ZNF280D: variants seen among roughly 807,000 people sequenced by gnomAD.
The protein encoded by ZNF280D is zinc finger protein 280D.
A neutral mutation model predicts 94.7 loss-of-function variants in ZNF280D; 39 were observed. That is an observed-to-expected ratio of 0.41 (90% CI 0.32 to 0.54). ZNF280D has a LOEUF of 0.54. Ranked by LOEUF, ZNF280D falls within the 20% of genes least tolerant of loss-of-function variation. The pLI is 0.22. For missense variants in ZNF280D, 1,090 were observed against 1,149.3 expected (o/e 0.95, Z 0.75); for synonymous variants, 398 against 377.6 (o/e 1.05, Z -0.63).
chr15:56,678,636 G>C (rs2055407490), intron 11 of ZNF280D, 28 bp downstream of exon 11: 1 of 1,501,740 alleles, frequency 6.7e-7, no homozygotes, highest in South Asian at 1.4e-5. Flanking sequence ...TCAATAATAT[G>C]GAATATTTAA....
intron 9 of ZNF280D, among the ~76,000 whole-genome samples, chr15:56,688,421 G>T (rs1192535445): frequency 6.6e-6 from 1 of 150,816 alleles, no homozygotes; most frequent in Non-Finnish European, 1.5e-5. Flanking sequence ...AACCTGGGAG[G>T]TGGAGCTTGC....
chr15:56,689,549 C>G (rs2056293032), intron 7 of ZNF280D, 79 bp from the exon 8 acceptor site: 2 of 919,032 alleles, frequency 2.2e-6, no homozygotes, highest in Admixed American at 7.1e-5. Flanking sequence ...TATTTTGGAG[C>G]TAAATTAAAG....
chr15:56,718,240 T>C (rs991999116), intron 1 of ZNF280D, among the ~76,000 whole-genome samples: 1 of 152,012 alleles, frequency 6.6e-6, no homozygotes, highest in Non-Finnish European at 1.5e-5. Flanking sequence ...TACAATATAA[T>C]GAATGAAGCA....
intron 3 of ZNF280D, among the ~76,000 whole-genome samples, chr15:56,705,798 A>G (rs528967422): frequency 6.6e-6 from 1 of 152,130 alleles, no homozygotes; most frequent in Non-Finnish European, 1.5e-5. Context: ...TATATGTCTA[A>G]CGTCATATAG....
At chr15:56,633,602 T>C (rs563085371) in intron 21 of ZNF280D, among the ~76,000 whole-genome samples, 1 of 152,166 alleles carries the variant, frequency 6.6e-6, no homozygotes, top group East Asian at 1.9e-4. Flanking sequence ...GTGATTCTCC[T>C]GCCTCAGCCT....
intron 20 of ZNF280D, among the ~76,000 whole-genome samples, chr15:56,636,872 G>A (rs1033264025): frequency 6.6e-6 from 1 of 151,942 alleles, no homozygotes; most frequent in African/African-American, 2.4e-5. Context: ...CACCCACCTC[G>A]GCCTCCCAAA....
chr15:56,704,783 C>G lies in ZNF280D; in HGVS notation c.29-516G>C, dbSNP rs150302566. ...ATTGCTTGAGGTCAGGAGTTTGAGA[C>G]CAGCCTGGCCAACATGGTGAAACCC... On this transcript the variant is annotated intron_variant, in intron 3 of 21. Coordinates refer to ENST00000267807, the MANE Select transcript of ZNF280D (RefSeq NM_017661.4). 3.2e-3 allele frequency among the ~76,000 whole-genome samples: 480 copies of G among 152,122 alleles called. 6 individuals are homozygous for G. Among genetic ancestry groups the G allele is most frequent in the African/African-American group, 0.011 (454 of 41,492 alleles).
intron 16 of ZNF280D, among the ~76,000 whole-genome samples, chr15:56,665,003 A>G (rs1388331772): frequency 6.6e-6 from 1 of 152,188 alleles, no homozygotes; most frequent in Admixed American, 6.5e-5. Flanking sequence ...AGGAATGAAC[A>G]GTTTATAGGA....
At chr15:56,687,500 A>C (rs2141049368) in intron 9 of ZNF280D, among the ~76,000 whole-genome samples, 1 of 152,290 alleles carries the variant, frequency 6.6e-6, no homozygotes, top group South Asian at 2.1e-4. Context: ...CATTCAAAAC[A>C]AACTAATAAA....
chr15:56,645,673 A>G lies in ZNF280D; in HGVS notation c.2214-2676T>C, dbSNP rs1254596724. On this transcript the variant is annotated intron_variant, in intron 19 of 21. Coordinates refer to ENST00000267807, the MANE Select transcript of ZNF280D (RefSeq NM_017661.4). The stretch of plus-strand genomic sequence containing the variant: ...GCGATTCTCCTGTCTCAGCCTCCCA[A>G]GTAGCTGGGATTACAGGCACATGCC... Among the ~76,000 whole-genome samples, 8 of 152,194 alleles carry G rather than the reference A, an allele frequency of 5.3e-5. No individual in the cohort carries two copies. In the East Asian group the frequency reaches 1.5e-3, roughly 29 times the overall value.
In ZNF280D at chr15:56,689,103, T is replaced by C; in HGVS notation, c.718A>G (p.Arg240Gly). The C allele has an allele frequency of 1.2e-6, 2 of 1,611,272 alleles. No individual in the cohort carries two copies. Among genetic ancestry groups the C allele is most frequent in the African/African-American group, 1.3e-5 (1 of 74,962 alleles). ...TGAATGTTGCACTTTGGACAAGCTC[T>C]TGGAAAAGGTGTTCCATTTTTAGAC... ...NQSKNGTPFP[R>G]ACPKCNIHFN... The change falls in exon 9 of 22, where the codon AGA becomes GGA. Residue 240 changes from arginine to glycine, a missense_variant. Coordinates refer to ENST00000267807, the MANE Select transcript of ZNF280D (RefSeq NM_017661.4).
In ZNF280D at chr15:56,707,794, A is replaced by G. The variant is rs567578121; in HGVS notation, c.-85-488T>C. Among the ~76,000 whole-genome samples the G allele has an allele frequency of 3.3e-5, 5 of 152,154 alleles. No homozygotes were observed. The East Asian group carries it at 9.6e-4, about 29-fold the overall frequency. On this transcript the variant is annotated intron_variant, in intron 1 of 21. Transcript: ENST00000267807. Reference sequence around the variant, plus strand: ...TCATCATAGATTAATTCATTCAAAAAATAACTACTCATGGCCTTCTGTATG... The same window carrying G: ...TCATCATAGATTAATTCATTCAAAAGATAACTACTCATGGCCTTCTGTATG...
intron 11 of ZNF280D, among the ~76,000 whole-genome samples, chr15:56,678,119 T>C (rs762450743): frequency 1.6e-4 from 25 of 152,034 alleles, no homozygotes; most frequent in Non-Finnish European, 3.1e-4. Flanking sequence ...GTGATTCTCC[T>C]GCCTCAGCTT....
At chr15:56,682,502 A>AAC in intron 9 of ZNF280D, 25 bp from the exon 10 acceptor site, 1 of 1,428,300 alleles carries the variant, frequency 7.0e-7, no homozygotes, top group Non-Finnish European at 9.4e-7. Context: ...AAAAAAAAAA[A>AAC]AACAAGCCTT....
chr15:56,717,581 T>G (rs146999503), intron 1 of ZNF280D, among the ~76,000 whole-genome samples: 15 of 152,088 alleles, frequency 9.9e-5, no homozygotes, highest in Admixed American at 7.9e-4. Flanking sequence ...ATATGATAAA[T>G]ATATAATTAT....
intron 7 of ZNF280D, among the ~76,000 whole-genome samples, chr15:56,690,285 G>A (rs2056348023): frequency 6.6e-6 from 1 of 152,142 alleles, no homozygotes; most frequent in African/African-American, 2.4e-5. Flanking sequence ...GGGAGGCTGA[G>A]GCAGGAGAAT....
chr15:56,702,909 A>AC, intron 4 of ZNF280D, among the ~76,000 whole-genome samples: 8 of 105,934 alleles, frequency 7.6e-5, no homozygotes, highest in African/African-American at 2.9e-4. Flanking sequence ...CATGGTAAGT[A>AC]AACACACACA....
At chr15:56,670,665 T>C (rs993294141) in intron 13 of ZNF280D, among the ~76,000 whole-genome samples, 5 of 152,076 alleles carry the variant, frequency 3.3e-5, no homozygotes, top group Non-Finnish European at 5.9e-5. Flanking sequence ...TGTGCATATG[T>C]CTTAACAGAA....
chr15:56,638,688 G>A (rs1339376753), intron 20 of ZNF280D, among the ~76,000 whole-genome samples: 1 of 152,088 alleles, frequency 6.6e-6, no homozygotes, highest in African/African-American at 2.4e-5. Flanking sequence ...GAAAAAAAAT[G>A]TGATTTATGT....
Sources: gnomAD v4.1 joint callset for allele counts (sites outside exome capture counted in the v4.1 genomes callset) on GRCh38, gnomAD v4.1.1 for gene constraint, MANE v1.5 for transcripts, NCBI Gene and HGNC (gene_info 2026-07-23, HGNC 2026-07-21) for gene names.